RBL2: variants seen among roughly 807,000 people sequenced by gnomAD.
RBL2 encodes the protein retinoblastoma-like protein 2.
RBL2 carries 56 observed loss-of-function variants against 126.0 expected under a neutral mutation model. The observed-to-expected ratio is 0.44, with a 90% CI of 0.36 to 0.56. The LOEUF (loss-of-function observed/expected upper bound fraction) is 0.56. Among genes scored for constraint, RBL2 ranks in the 20% least tolerant of loss-of-function variants. The probability of loss-of-function intolerance (pLI) is 0.00; values close to 1 mark genes in which losing one functional copy is unlikely to be tolerated. For missense variants in RBL2, 1,229 were observed against 1,398.2 expected, an observed-to-expected ratio of 0.88 and a Z score of 1.93; for synonymous variants, 454 against 478.5, an observed-to-expected ratio of 0.95 and a Z score of 0.67.
chr16:53,480,318 C>A, intron 19 of RBL2: 2 of 543,644 alleles, frequency 3.7e-6, no homozygotes, highest in Non-Finnish European at 6.5e-6. Flanking sequence ...TAGTACAGGG[C>A]TTAGGTCCTA....
At chr16:53,462,090 G>C (rs1231137974) in intron 10 of RBL2, among the ~76,000 whole-genome samples, 4 of 152,034 alleles carry the variant, frequency 2.6e-5, no homozygotes, top group Non-Finnish European at 2.9e-5. Context: ...CAAATCTTTA[G>C]GTTTTTTTTG....
chr16:53,477,737 T>C (rs1960786720), intron 17 of RBL2, among the ~76,000 whole-genome samples: 1 of 152,222 alleles, frequency 6.6e-6, no homozygotes, highest in Admixed American at 6.5e-5. Context: ...GCCTACCTCC[T>C]TTGTACTGTT....
intron 21 of RBL2, among the ~76,000 whole-genome samples, chr16:53,482,190 G>A (rs1408377196): frequency 6.6e-6 from 1 of 152,170 alleles, no homozygotes; most frequent in Non-Finnish European, 1.5e-5. Context: ...GCCTGTTTCT[G>A]GGACAGGCAG....
At chr16:53,490,011 C>T in intron 21 of RBL2, 119 bp from the exon 22 acceptor site, 4 of 738,164 alleles carry the variant, frequency 5.4e-6, no homozygotes, top group Non-Finnish European at 7.8e-6. Flanking sequence ...TTTCTTTTCT[C>T]TGTAGATGTG....
At chr16:53,450,303 T>C (rs1348653164) in intron 4 of RBL2, among the ~76,000 whole-genome samples, 2 of 152,162 alleles carry the variant, frequency 1.3e-5, no homozygotes, top group African/African-American at 2.4e-5. Context: ...GTAACTTTCT[T>C]TGGAGGAACA....
intron 17 of RBL2, among the ~76,000 whole-genome samples, chr16:53,477,057 T>TTGTGTGTG (rs36075761): frequency 5.3e-4 from 80 of 151,054 alleles, no homozygotes; most frequent in East Asian, 1.8e-3. Flanking sequence ...TGGTTTCATT[T>TTGTGTGTG]TGTGTGTGTG....
chr16:53,447,923 GCAC>G (rs1259148061), intron 4 of RBL2, among the ~76,000 whole-genome samples: 2 of 152,134 alleles, frequency 1.3e-5, no homozygotes, highest in Non-Finnish European at 2.9e-5. Flanking sequence ...GGGATTATAG[GCAC>G]GAGCCACTGC....
rs145958265 is a variant in RBL2 at position 53,441,969 on chromosome 16, C to T, written c.372-689C>T. 7.8e-3 allele frequency among the ~76,000 whole-genome samples: 1,193 copies of T among 152,098 alleles called. 21 individuals carry two copies. The highest frequency in any genetic ancestry group is 0.027 in the African/African-American group (1,115 of 41,478). The stretch of plus-strand genomic sequence containing the variant: ...CTGAGTAGCTGGGATTACAGGTGCC[C>T]GCCACCACGCCCAGCTAATTTTTTG... On this transcript the variant is annotated intron_variant, in intron 2 of 21. Transcript: ENST00000262133.
At chr16:53,476,170 G>A (rs1311428449) in intron 17 of RBL2, among the ~76,000 whole-genome samples, 1 of 151,940 alleles carries the variant, frequency 6.6e-6, no homozygotes, top group Non-Finnish European at 1.5e-5. Context: ...ATTTTCCTCC[G>A]TGCACTGCTT....
intron 8 of RBL2, among the ~76,000 whole-genome samples, chr16:53,457,773 G>A (rs2058183487): frequency 6.6e-6 from 1 of 152,222 alleles, no homozygotes; most frequent in South Asian, 2.1e-4. Context: ...GAAGCTTTAA[G>A]CTAAGCACAG....
chr16:53,480,074 C>A, intron 19 of RBL2, 83 bp downstream of exon 19: 1 of 869,048 alleles, frequency 1.2e-6, no homozygotes, highest in Non-Finnish European at 1.8e-6. Context: ...CTAAGCATTA[C>A]TAAATGAAAT....
intron 11 of RBL2, 141 bp downstream of exon 11, chr16:53,462,796 T>C (rs1360770800): frequency 1.7e-6 from 1 of 585,396 alleles, no homozygotes; most frequent in Non-Finnish European, 3.0e-6. Flanking sequence ...ATCCAATATA[T>C]TTTTTCACTA....
intron 8 of RBL2, among the ~76,000 whole-genome samples, chr16:53,457,258 C>CATTTTTTTTTTTTTTT (rs1555566426): frequency 1.1e-5 from 1 of 89,954 alleles, no homozygotes; most frequent in Non-Finnish European, 2.0e-5. Context: ...GTACAGATAG[C>CATTTTTTTTTTTTTTT]TTTTTTTTTT....
At chr16:53,438,681 A>C (rs1409438724) in intron 1 of RBL2, among the ~76,000 whole-genome samples, 11 of 151,738 alleles carry the variant, frequency 7.2e-5, no homozygotes, top group Admixed American at 7.2e-4. Context: ...CTGTCTCTAC[A>C]AAAAATACAA....
chr16:53,442,998 A>G, intron 3 of RBL2, 140 bp downstream of exon 3: 1 of 684,342 alleles, frequency 1.5e-6, no homozygotes, highest in Non-Finnish European at 2.2e-6. Context: ...TCTTTTAATG[A>G]TGCTTTTTTT....
chr16:53,469,868 C>A (rs373019407), intron 14 of RBL2, 48 bp from the exon 15 acceptor site: 2 of 1,493,982 alleles, frequency 1.3e-6, no homozygotes, highest in African/African-American at 2.8e-5. Flanking sequence ...GAAGTCAGAT[C>A]TGAGTCTCCT....
In RBL2 at chr16:53,491,475, G is replaced by GAATC. The variant is rs1237788284; in HGVS notation, c.*1177_*1180dup. Reference sequence around the variant, plus strand: ...TAGGGAGAAAATTCAATTGTAAATTGAATCAGTATAAACAAAGTTACTAGG... The same window carrying GAATC: ...TAGGGAGAAAATTCAATTGTAAATTGAATCAATCAGTATAAACAAAGTTACTAGG... On this transcript the variant is annotated 3_prime_UTR_variant, in exon 22 of 22. Coordinates refer to ENST00000262133, the MANE Select transcript of RBL2 (RefSeq NM_005611.4). The GAATC allele has an allele frequency of 6.6e-6, 1 of 152,472 alleles. No individual in the cohort carries two copies. The highest frequency in any genetic ancestry group is 2.4e-5 in the African/African-American group (1 of 41,416). The allele number at this position is 152,472 out of a possible 1,614,324, so 9.4% of individuals were successfully genotyped here. A position where few individuals can be genotyped will look rare whatever the true frequency, so the allele number is the denominator to read the frequency against.
Position 53,460,669 on chromosome 16 carries a change from A to G in RBL2, c.1346+1052A>G, listed in dbSNP as rs535010638. Among the ~76,000 whole-genome samples the G allele has an allele frequency of 2.8e-3, 423 of 152,288 alleles. 1 individual carries two copies. The highest frequency in any genetic ancestry group is 0.014 in the Middle Eastern group (4 of 294). On this transcript the variant is annotated intron_variant, in intron 9 of 21. Coordinates refer to ENST00000262133, the MANE Select transcript of RBL2 (RefSeq NM_005611.4). ...AATATTACCAGTAAATACTAGGTAAAATAAAGGGTGCTATTTTTGTTGAAA... is the reference window on the plus strand; with the variant it reads ...AATATTACCAGTAAATACTAGGTAAGATAAAGGGTGCTATTTTTGTTGAAA...
At position 53,489,891 on chromosome 16, in the gene RBL2, A is replaced by G. The variant is rs150805790; in HGVS notation, c.3250-239A>G. The G allele has an allele frequency of 2.3e-3, 771 of 337,410 alleles. 4 individuals are homozygous for G. Among genetic ancestry groups the G allele is most frequent in the Admixed American group, 3.5e-3 (73 of 21,004 alleles). The allele number at this position is 337,410 out of a possible 1,614,324, so 20.9% of individuals were successfully genotyped here. ...ACATGTATAATTGACCTACAGGTCA[A>G]AAGTGCCTGTGGAAGAGCTTGTTAA... is the stretch of plus-strand genomic sequence containing the variant. On this transcript the variant is annotated intron_variant, in intron 21 of 21. Transcript: ENST00000262133.
Sources: allele counts gnomAD v4.1 joint callset (sites outside exome capture counted in the v4.1 genomes callset), GRCh38; gene constraint gnomAD v4.1.1; transcripts MANE v1.5; gene names NCBI Gene and HGNC (gene_info 2026-07-23, HGNC 2026-07-21).